Variants in PDE4B observed in about 807,000 individuals in gnomAD.
PDE4B encodes 3',5'-cyclic-AMP phosphodiesterase 4B.
Under a neutral mutation model 82.2 loss-of-function variants are expected in PDE4B, and 20 were observed. That is an observed-to-expected ratio of 0.24 (90% CI 0.17 to 0.35). The LOEUF is 0.35. Ranked by LOEUF, PDE4B falls within the 10% of genes least tolerant of loss-of-function variation. PDE4B has a pLI of 1.00. For synonymous variants in PDE4B, 320 were observed against 318.9 expected, an observed-to-expected ratio of 1.00 and a Z score of -0.04; for missense variants, 655 against 907.2, an observed-to-expected ratio of 0.72 and a Z score of 3.57.
intron 3 of PDE4B, among the ~76,000 whole-genome samples, chr1:66,184,497 C>A (rs1647139148): frequency 6.6e-6 from 1 of 152,106 alleles, no homozygotes; most frequent in African/African-American, 2.4e-5. Context: ...GGGTTAGAAC[C>A]AACAGCACTT....
chr1:65,984,783 A>G (rs142275055), intron 3 of PDE4B, among the ~76,000 whole-genome samples: 3 of 152,200 alleles, frequency 2.0e-5, no homozygotes, highest in East Asian at 1.9e-4. Flanking sequence ...CAAAATATAT[A>G]TATGTTATCT....
intron 7 of PDE4B, among the ~76,000 whole-genome samples, chr1:66,267,934 C>A (rs1557668981): frequency 6.6e-6 from 1 of 152,034 alleles, no homozygotes; most frequent in Non-Finnish European, 1.5e-5. Context: ...TAAATAGAAA[C>A]TTTAAAGGGG....
chr1:65,995,589 C>G (rs916230991), intron 3 of PDE4B, among the ~76,000 whole-genome samples: 2 of 152,076 alleles, frequency 1.3e-5, no homozygotes, highest in East Asian at 3.9e-4. Context: ...ACTTTTCTTT[C>G]TTGAGTTTCC....
At chr1:66,090,616 A>ATGTGTGTGTGTGTGTGTGTGTGT (rs200925983) in intron 3 of PDE4B, among the ~76,000 whole-genome samples, 30 of 89,926 alleles carry the variant, frequency 3.3e-4, no homozygotes, top group East Asian at 8.7e-4. Context: ...ATATGTATAT[A>ATGTGTGTGTGTGTGTGTGTGTGT]ATATATGTGT....
chr1:65,825,705 C>CCTGTCTGT lies in PDE4B; in HGVS notation c.-71+32459_-71+32460insGTCTGTCT, dbSNP rs752252352. Reference sequence around the variant, plus strand: ...TAAAAAAAAATTAAAAACAAAATTACCTATCTATCTATCTATCTATCTATC... The same window carrying CCTGTCTGT: ...TAAAAAAAAATTAAAAACAAAATTACCTGTCTGTCTATCTATCTATCTATCTATCTATC... On this transcript the variant is annotated intron_variant, in intron 1 of 16. Transcript: ENST00000341517. 5.3e-3 allele frequency among the ~76,000 whole-genome samples: 566 copies of CCTGTCTGT among 107,446 alleles called. 7 individuals are homozygous for CCTGTCTGT. Among genetic ancestry groups the CCTGTCTGT allele is most frequent in the African/African-American group, 0.017 (540 of 31,058 alleles). The allele number at this position is 107,446 out of a possible 152,430, so 70.5% of individuals were successfully genotyped here.
intron 3 of PDE4B, among the ~76,000 whole-genome samples, chr1:66,097,939 G>T (rs1179047255): frequency 1.3e-5 from 2 of 149,110 alleles, no homozygotes; most frequent in Non-Finnish European, 3.0e-5. Context: ...GAATCAGTTT[G>T]ATCCTTCTGA....
chr1:66,111,472 C>T (rs1003127145), intron 3 of PDE4B, among the ~76,000 whole-genome samples: 5 of 152,082 alleles, frequency 3.3e-5, no homozygotes, highest in African/African-American at 9.7e-5. Flanking sequence ...TTTGTCTCTA[C>T]ACACTTGGCT....
At chr1:65,840,662 C>A (rs899883697) in intron 1 of PDE4B, among the ~76,000 whole-genome samples, 5 of 152,162 alleles carry the variant, frequency 3.3e-5, no homozygotes, top group African/African-American at 1.2e-4. Context: ...ATAAATGTCT[C>A]AGATCGTTAG....
chr1:66,316,926 G>A (rs537002926), intron 7 of PDE4B, among the ~76,000 whole-genome samples: 38 of 152,266 alleles, frequency 2.5e-4, no homozygotes, highest in Non-Finnish European at 4.9e-4. Context: ...AATTAGGGCC[G>A]GAACGGAAGT....
chr1:66,246,504 G>C (rs1653323199), intron 3 of PDE4B, among the ~76,000 whole-genome samples: 1 of 152,194 alleles, frequency 6.6e-6, no homozygotes, highest in South Asian at 2.1e-4. Flanking sequence ...GAGTTCTGGA[G>C]AAATACTAGG....
At chr1:65,853,091 T>C (rs1646349401) in intron 1 of PDE4B, among the ~76,000 whole-genome samples, 1 of 152,174 alleles carries the variant, frequency 6.6e-6, no homozygotes, top group African/African-American at 2.4e-5. Flanking sequence ...ATTTATAATT[T>C]CTATGCCCTC....
intron 1 of PDE4B, among the ~76,000 whole-genome samples, chr1:65,879,715 C>T (rs1348605694): frequency 1.3e-5 from 2 of 152,192 alleles, no homozygotes; most frequent in African/African-American, 4.8e-5. Context: ...GCCTGTATAG[C>T]TGTAGTACAA....
rs2102089138 is a variant in PDE4B at position 66,374,570 on chromosome 1, G to C, written c.*1892G>C. 6.5e-6 allele frequency: 1 copy of C among 152,716 alleles called. No homozygotes were observed. Among genetic ancestry groups the C allele is most frequent in the South Asian group, 2.1e-4 (1 of 4,828 alleles). 9.5% of individuals were successfully genotyped at this position (152,716 alleles called of 1,614,324 possible). A position where few individuals can be genotyped will look rare whatever the true frequency, so the allele number is the denominator to read the frequency against. On this transcript the variant is annotated 3_prime_UTR_variant, in exon 17 of 17. Coordinates refer to ENST00000341517, the MANE Select transcript of PDE4B (RefSeq NM_002600.4). ...ATATGAGGTGAATAAAGAAAAGCATGATTAGATTAGTCTGTAGGCCCACTT... is the reference window on the plus strand; with the variant it reads ...ATATGAGGTGAATAAAGAAAAGCATCATTAGATTAGTCTGTAGGCCCACTT...
intron 6 of PDE4B, among the ~76,000 whole-genome samples, chr1:66,263,954 T>G (rs1368683678): frequency 6.6e-6 from 1 of 152,220 alleles, no homozygotes; most frequent in Non-Finnish European, 1.5e-5. Flanking sequence ...TCATTCACTC[T>G]TCTATTCAAT....
At chr1:66,188,811 A>C (rs2101459949) in intron 3 of PDE4B, among the ~76,000 whole-genome samples, 1 of 152,192 alleles carries the variant, frequency 6.6e-6, no homozygotes, top group Non-Finnish European at 1.5e-5. Context: ...GTGTCTTTTA[A>C]TTGGAGCATT....
At chr1:65,900,182 A>G (rs1646956428) in intron 1 of PDE4B, among the ~76,000 whole-genome samples, 1 of 152,058 alleles carries the variant, frequency 6.6e-6, no homozygotes, top group Admixed American at 6.6e-5. Context: ...TCCTATGGGT[A>G]GCCAGTTACG....
At chr1:66,008,628 A>G (rs189108745) in intron 3 of PDE4B, among the ~76,000 whole-genome samples, 43 of 152,250 alleles carry the variant, frequency 2.8e-4, no homozygotes, top group Admixed American at 9.2e-4. Context: ...CCTTATAAGC[A>G]AAACTCTCCC....
intron 8 of PDE4B, among the ~76,000 whole-genome samples, chr1:66,341,279 T>C (rs548985714): frequency 2.4e-4 from 37 of 152,350 alleles, no homozygotes; most frequent in African/African-American, 8.4e-4. Flanking sequence ...ATTCAGGTAT[T>C]AAAGTATAGG....
intron 1 of PDE4B, among the ~76,000 whole-genome samples, chr1:65,822,850 T>C (rs1263513436): frequency 6.6e-6 from 1 of 152,164 alleles, no homozygotes; most frequent in African/African-American, 2.4e-5. Context: ...TGTGAGAAAT[T>C]AATTTCTATT....
Sources: gnomAD v4.1 joint callset for allele counts (sites outside exome capture counted in the v4.1 genomes callset) on GRCh38, gnomAD v4.1.1 for gene constraint, MANE v1.5 for transcripts, NCBI Gene and HGNC (gene_info 2026-07-23, HGNC 2026-07-21) for gene names.